KANK1: variants seen among roughly 807,000 people sequenced by gnomAD.
The protein encoded by KANK1 is KN motif and ankyrin repeat domains 1, also known as KN motif and ankyrin repeat domain-containing protein 1.
Under a neutral mutation model 106.2 loss-of-function variants are expected in KANK1, and 109 were observed. The ratio of observed to expected loss-of-function variants is 1.03; its 90% CI spans 0.88 to 1.20. The LOEUF (loss-of-function observed/expected upper bound fraction) is 1.20. Among genes scored for constraint, KANK1 ranks in the 50% most tolerant of loss-of-function variants. KANK1 has a pLI of 0.00. For synonymous variants in KANK1, 873 were observed against 652.2 expected (o/e 1.34, Z -5.16); for missense variants, 2,399 against 1,710.7 (o/e 1.40, Z -7.10).
chr9:690,714 G>A (rs1466255796), intron 2 of KANK1, among the ~76,000 whole-genome samples: 2 of 152,196 alleles, frequency 1.3e-5, no homozygotes, highest in Non-Finnish European at 2.9e-5. Context: ...GACTAATGGA[G>A]CAGGCTCTCT....
At chr9:562,739 C>G (rs1048241165) in intron 1 of KANK1, among the ~76,000 whole-genome samples, 2 of 152,172 alleles carry the variant, frequency 1.3e-5, no homozygotes, top group African/African-American at 2.4e-5. Context: ...ACAACCGATG[C>G]TAGTGGAGAT....
intron 1 of KANK1, among the ~76,000 whole-genome samples, chr9:657,648 A>G (rs1842444147): frequency 1.3e-5 from 2 of 151,940 alleles, no homozygotes; most frequent in Non-Finnish European, 2.9e-5. Context: ...TAAACTCCAA[A>G]TTCAGTCTCT....
intron 1 of KANK1, among the ~76,000 whole-genome samples, chr9:601,957 T>C (rs1827853211): frequency 6.6e-6 from 1 of 151,848 alleles, no homozygotes; most frequent in Non-Finnish European, 1.5e-5. Flanking sequence ...TTCCATGAGT[T>C]TTATGGTGAG....
intron 2 of KANK1, among the ~76,000 whole-genome samples, chr9:679,521 T>A (rs1817097142): frequency 6.6e-6 from 1 of 152,178 alleles, no homozygotes; most frequent in Non-Finnish European, 1.5e-5. Flanking sequence ...TTCAAGTGAT[T>A]CTTGTGCCTC....
intron 3 of KANK1, among the ~76,000 whole-genome samples, chr9:714,361 A>ATTTTTTTT (rs33935286): frequency 7.8e-6 from 1 of 128,834 alleles, no homozygotes; most frequent in Non-Finnish European, 1.6e-5. Context: ...TTTCCCACTC[A>ATTTTTTTT]TTTTTTTTTT....
intron 1 of KANK1, among the ~76,000 whole-genome samples, chr9:528,261 A>G (rs1182162302): frequency 2.0e-5 from 3 of 151,910 alleles, no homozygotes; most frequent in Admixed American, 6.6e-5. Context: ...ATGTTTTTCA[A>G]TTATTGGAAC....
intron 1 of KANK1, among the ~76,000 whole-genome samples, chr9:514,504 C>G (rs999407157): frequency 2.7e-5 from 4 of 150,758 alleles, no homozygotes; most frequent in African/African-American, 9.9e-5. Flanking sequence ...ATCCTTACTT[C>G]TAATATCATA....
intron 3 of KANK1, among the ~76,000 whole-genome samples, chr9:718,905 T>C (rs1488312950): frequency 6.6e-6 from 1 of 151,358 alleles, no homozygotes; most frequent in Non-Finnish European, 1.5e-5. Flanking sequence ...CTACTGCCTG[T>C]TCCCCAAACC....
intron 2 of KANK1, among the ~76,000 whole-genome samples, chr9:680,540 A>C (rs9299035): frequency 0.5 from 76,459 of 151,986 alleles, 19,614 homozygotes; most frequent in East Asian, 0.59. Context: ...TAGCTTAAGA[A>C]ATAAACCTTA....
Position 710,906 on chromosome 9 carries a change from A to T in KANK1, c.140A>T (p.Lys47Ile). The T allele has an allele frequency of 6.2e-7, 1 of 1,614,182 alleles. No homozygotes were observed. Residue 47 changes from lysine (K) to isoleucine (I), a missense_variant, in exon 3 of 12, where the codon AAA (lysine) becomes ATA (isoleucine). Lys to Ile is a moderately radical substitution (Grantham distance 102). Transcript: ENST00000382297. ...TATCAACTAGACTTAGATTTCCTCA[A>T]ATATGTGGATGACATACAGAAGGGA... ...YGYQLDLDFL[K>I]YVDDIQKGNT...
intron 5 of KANK1, 126 bp from the exon 6 acceptor site, chr9:732,251 TA>T: frequency 1.7e-6 from 2 of 1,146,330 alleles, no homozygotes; most frequent in Non-Finnish European, 2.5e-6. Context: ...TTTGAACTTC[TA>T]AGTGCAGGAT....
intron 2 of KANK1, chr9:684,074 G>C (rs531590335): frequency 5.8e-6 from 4 of 692,498 alleles, no homozygotes; most frequent in African/African-American, 2.1e-5. Flanking sequence ...CCCAGCCCCC[G>C]GAGAGGTTTT....
intron 3 of KANK1, among the ~76,000 whole-genome samples, chr9:473,848 T>C (rs567295652): frequency 1.1e-4 from 16 of 152,240 alleles, no homozygotes; most frequent in African/African-American, 3.1e-4. Flanking sequence ...TGCAGGCATG[T>C]GCCACCACAC....
chr9:712,951 T>C lies in KANK1; in HGVS notation c.2185T>C (p.Ser729Pro). 6.2e-7 allele frequency: 1 copy of C among 1,614,152 alleles called. No homozygotes were observed. The highest frequency in any genetic ancestry group is 1.3e-5 in the African/African-American group (1 of 75,040). ...VGEGRVKDINSSTKTRSIGVG... is the reference protein window; with the variant it reads ...VGEGRVKDINPSTKTRSIGVG... The stretch of plus-strand genomic sequence containing the variant: ...AGAAGGCCGTGTCAAGGACATCAAC[T>C]CCTCCACCAAGACGCGGTCCATTGG... The change falls in exon 3 of 12, where the codon TCC becomes CCC. Residue 729 changes from serine to proline, a missense_variant. Physicochemically the swap from Ser to Pro is moderately conservative, Grantham distance 74. Coordinates refer to ENST00000382297, the MANE Select transcript of KANK1 (RefSeq NM_015158.5).
At chr9:721,872 C>T (rs1465422199) in intron 3 of KANK1, among the ~76,000 whole-genome samples, 1 of 152,250 alleles carries the variant, frequency 6.6e-6, no homozygotes, top group Non-Finnish European at 1.5e-5. Flanking sequence ...GACGGTTTCA[C>T]TCCTCTTACC....
At chr9:613,256 A>T (rs1489206670) in intron 1 of KANK1, among the ~76,000 whole-genome samples, 2 of 151,286 alleles carry the variant, frequency 1.3e-5, no homozygotes, top group Admixed American at 1.3e-4. Context: ...GAAAAGCACA[A>T]GTAGTCACCA....
intron 1 of KANK1, among the ~76,000 whole-genome samples, chr9:636,290 T>C (rs560218845): frequency 2.2e-4 from 34 of 152,294 alleles, no homozygotes; most frequent in Admixed American, 1.3e-3. Context: ...ATTTCAAACT[T>C]TTCAGAGCTC....
chr9:706,811 GTGCCTC>G, intron 2 of KANK1: 2 of 985,476 alleles, frequency 2.0e-6, no homozygotes, highest in Non-Finnish European at 2.4e-6. Flanking sequence ...GGGGCTGATT[GTGCCTC>G]TGCACCTCCT....
At chr9:495,422 G>A (rs1236825258) in intron 3 of KANK1, 1 of 152,138 alleles carries the variant, frequency 6.6e-6, no homozygotes, top group Non-Finnish European at 1.5e-5. Context: ...GAGCCATCGT[G>A]CCTCCAACTT....
Sources: gnomAD v4.1 joint callset for allele counts (sites outside exome capture counted in the v4.1 genomes callset) on GRCh38, gnomAD v4.1.1 for gene constraint, MANE v1.5 for transcripts, NCBI Gene and HGNC (gene_info 2026-07-23, HGNC 2026-07-21) for gene names.